The following PTPRM variants were observed in gnomAD, a reference collection of about 807,000 sequenced individuals.
PTPRM encodes the protein receptor-type tyrosine-protein phosphatase mu.
Under a neutral mutation model 186.7 loss-of-function variants are expected in PTPRM, and 47 were observed. The ratio of observed to expected loss-of-function variants is 0.25; its 90% CI spans 0.20 to 0.32. PTPRM has a LOEUF of 0.32. PTPRM is among the 10% of genes least tolerant of loss of function. PTPRM has a pLI of 1.00. For synonymous variants in PTPRM, 668 were observed against 674.9 expected (o/e 0.99, Z 0.16); for missense variants, 1,494 against 1,865.0 (o/e 0.80, Z 3.66).
intron 19 of PTPRM, among the ~76,000 whole-genome samples, chr18:8,275,320 C>G (rs1023696024): frequency 2.7e-4 from 41 of 152,200 alleles, no homozygotes; most frequent in Admixed American, 1.4e-3. Flanking sequence ...TAGTGTGCAC[C>G]TGTGGTTCCA....
chr18:8,387,681 A>G (rs889939742), intron 31 of PTPRM, among the ~76,000 whole-genome samples: 3 of 152,150 alleles, frequency 2.0e-5, no homozygotes, highest in Non-Finnish European at 4.4e-5. Flanking sequence ...CCAGTTTACC[A>G]CCACATTACT....
At chr18:7,914,610 G>A (rs139913819) in intron 4 of PTPRM, among the ~76,000 whole-genome samples, 2 of 141,042 alleles carry the variant, frequency 1.4e-5, no homozygotes, top group African/African-American at 5.4e-5. Context: ...TTTAATTAAT[G>A]TTAACTATTA....
intron 24 of PTPRM, among the ~76,000 whole-genome samples, chr18:8,374,265 A>G (rs909841546): frequency 1.3e-5 from 2 of 152,210 alleles, no homozygotes; most frequent in Non-Finnish European, 2.9e-5. Flanking sequence ...GGTTGCTGGA[A>G]CTGAAATCTA....
intron 2 of PTPRM, among the ~76,000 whole-genome samples, chr18:7,777,142 T>C (rs2042626747): frequency 1.3e-5 from 2 of 152,220 alleles, no homozygotes; most frequent in Non-Finnish European, 2.9e-5. Flanking sequence ...AGGGCAAATT[T>C]TCTAAACCTT....
intron 4 of PTPRM, among the ~76,000 whole-genome samples, chr18:7,911,898 G>C (rs976109642): frequency 1.6e-5 from 2 of 127,902 alleles, no homozygotes; most frequent in African/African-American, 6.4e-5. Flanking sequence ...TCTCACCCAG[G>C]CTGGAGTGCA....
At chr18:7,582,709 C>A (rs892521909) in intron 1 of PTPRM, among the ~76,000 whole-genome samples, 7 of 152,308 alleles carry the variant, frequency 4.6e-5, no homozygotes, top group African/African-American at 1.7e-4. Context: ...GGAAGAACTG[C>A]GTTCAAGGGC....
chr18:7,712,168 G>C (rs72899372), intron 1 of PTPRM, among the ~76,000 whole-genome samples: 2,964 of 152,286 alleles, frequency 0.019, 49 homozygotes, highest in Non-Finnish European at 0.03. Flanking sequence ...GGAAGAAACA[G>C]GCAGCTATCT....
chr18:7,953,766 C>G (rs920495629), intron 6 of PTPRM, among the ~76,000 whole-genome samples: 2 of 152,160 alleles, frequency 1.3e-5, no homozygotes, highest in Admixed American at 6.5e-5. Context: ...GTGCTAGCTT[C>G]TCTGAGGTCC....
At chr18:7,937,730 A>G (rs1442301031) in intron 5 of PTPRM, among the ~76,000 whole-genome samples, 1 of 152,246 alleles carries the variant, frequency 6.6e-6, no homozygotes, top group East Asian at 1.9e-4. Flanking sequence ...TAGGTCTATC[A>G]GTCACTTACT....
chr18:8,094,126 T>C (rs1377251271), intron 11 of PTPRM, among the ~76,000 whole-genome samples: 1 of 152,216 alleles, frequency 6.6e-6, no homozygotes, highest in Non-Finnish European at 1.5e-5. Context: ...TATCCCTTTA[T>C]AGTATTTTCC....
chr18:7,624,142 G>C (rs2038004232), intron 1 of PTPRM, among the ~76,000 whole-genome samples: 1 of 152,194 alleles, frequency 6.6e-6, no homozygotes, highest in Admixed American at 6.5e-5. Flanking sequence ...GAAGCAAAGT[G>C]ATTTGCCTGA....
chr18:7,759,534 A>G (rs566285179), intron 1 of PTPRM, among the ~76,000 whole-genome samples: 1 of 152,348 alleles, frequency 6.6e-6, no homozygotes, highest in Non-Finnish European at 1.5e-5. Context: ...TCCCAGGCAT[A>G]TTATGAAGTC....
At chr18:7,933,334 A>C (rs1483036211) in intron 5 of PTPRM, among the ~76,000 whole-genome samples, 1 of 152,230 alleles carries the variant, frequency 6.6e-6, no homozygotes, top group Non-Finnish European at 1.5e-5. Flanking sequence ...AGTAAGAAAG[A>C]ATCTTCTATA....
At chr18:7,706,040 T>C (rs2040080993) in intron 1 of PTPRM, among the ~76,000 whole-genome samples, 1 of 148,874 alleles carries the variant, frequency 6.7e-6, no homozygotes, top group Admixed American at 6.7e-5. Context: ...ATACTATATA[T>C]GTGTGTGTAT....
chr18:8,248,265 G>A, intron 17 of PTPRM, 89 bp downstream of exon 17: 2 of 1,212,174 alleles, frequency 1.6e-6, no homozygotes, highest in Non-Finnish European at 2.5e-6. Context: ...TTTTAATTCT[G>A]TATAATGCAG....
chr18:7,662,434 A>C (rs2144396170), intron 1 of PTPRM, among the ~76,000 whole-genome samples: 1 of 152,328 alleles, frequency 6.6e-6, no homozygotes, highest in South Asian at 2.1e-4. Flanking sequence ...ACTGGAGGTC[A>C]TTATGGTAAG....
chr18:7,573,548 CGTT>C (rs2036612776), intron 1 of PTPRM, among the ~76,000 whole-genome samples: 1 of 151,998 alleles, frequency 6.6e-6, no homozygotes, highest in African/African-American at 2.4e-5. Context: ...GTTGAAGAAA[CGTT>C]GTCCTGAAAG....
intron 14 of PTPRM, among the ~76,000 whole-genome samples, chr18:8,172,031 C>A (rs1175669494): frequency 6.6e-6 from 1 of 152,134 alleles, no homozygotes; most frequent in Non-Finnish European, 1.5e-5. Context: ...AGCTTTAGCA[C>A]CATTGTAAAG....
At chr18:8,048,772 T>C (rs1356694233) in intron 7 of PTPRM, among the ~76,000 whole-genome samples, 3 of 152,112 alleles carry the variant, frequency 2.0e-5, no homozygotes, top group Admixed American at 2.0e-4. Flanking sequence ...CAGGTAAAAA[T>C]ATTTTAAGTA....
Sources: gnomAD v4.1 joint callset for allele counts (sites outside exome capture counted in the v4.1 genomes callset) on GRCh38, gnomAD v4.1.1 for gene constraint, MANE v1.5 for transcripts, NCBI Gene and HGNC (gene_info 2026-07-23, HGNC 2026-07-21) for gene names.